The following ARHGEF2 variants were observed in gnomAD, a reference collection of about 807,000 sequenced individuals.
ARHGEF2 encodes the protein rho guanine nucleotide exchange factor 2.
Under a neutral mutation model 121.0 loss-of-function variants are expected in ARHGEF2, and 22 were observed. The observed-to-expected ratio is 0.18, with a 90% CI of 0.13 to 0.26. The LOEUF (loss-of-function observed/expected upper bound fraction) is 0.26. ARHGEF2 is among the 10% of genes least tolerant of loss of function. ARHGEF2 has a pLI of 1.00. For synonymous variants in ARHGEF2, 487 were observed against 530.0 expected (o/e 0.92, Z 1.11); for missense variants, 907 against 1,336.0 (o/e 0.68, Z 5.01).
intron 1 of ARHGEF2, chr1:155,971,104 C>A: frequency 7.1e-6 from 7 of 985,950 alleles, no homozygotes; most frequent in Non-Finnish European, 8.4e-6. Context: ...CTCACGCAGG[C>A]CAACTGCTCC....
At chr1:155,955,864 C>T (rs1191597631) in intron 13 of ARHGEF2, among the ~76,000 whole-genome samples, 3 of 151,916 alleles carry the variant, frequency 2.0e-5, no homozygotes, top group South Asian at 4.1e-4. Context: ...TACAGGCACG[C>T]ACCACCATGC....
Position 155,961,810 on chromosome 1 carries a change from G to A in ARHGEF2, c.1319C>T (p.Ala440Val). The A allele has an allele frequency of 6.2e-7, 1 of 1,614,168 alleles. No homozygotes were observed. Among genetic ancestry groups the A allele is most frequent in the South Asian group, 1.1e-5 (1 of 91,090 alleles). Residue 440 changes from alanine (A) to valine (V), a missense_variant, in exon 11 of 22, where the codon GCC becomes GTC. This residue lies in a region of ARHGEF2 where 475 missense variants were observed against 776.5 expected (regional missense o/e 0.61). Transcript: ENST00000361247. The surrounding 1 kb of genome is among the most constrained non-coding windows in gnomAD (Gnocchi z 4.7). ...GCGGTTGTAGATCTCCTGCAGACGG[G>A]CCCCTTTCTCCAGCTGATAAATACC... ...DEGIYQLEKG[A>V]RLQEIYNRMD...
chr1:155,967,207 A>T (rs900505848), intron 2 of ARHGEF2, among the ~76,000 whole-genome samples: 2 of 152,200 alleles, frequency 1.3e-5, no homozygotes, highest in Non-Finnish European at 2.9e-5. Flanking sequence ...GAGCTCAAGA[A>T]GCACGAAGGT....
Position 155,952,161 on chromosome 1 carries a change from A to C in ARHGEF2, c.2059T>G (p.Leu687Val), listed in dbSNP as rs903562789. 5.6e-6 allele frequency: 9 copies of C among 1,614,084 alleles called. No homozygotes were observed. Among genetic ancestry groups the C allele is most frequent in the Non-Finnish European group, 7.6e-6 (9 of 1,179,996 alleles). ...GTGTTACCACCGCTGTCTGGTTCCA[A>C]GGGCAGGGCTGGCTCTCGGGGTGTC... Reference protein sequence around the residue: ...LLTPREPALPLEPDSGGNTSP... With the variant: ...LLTPREPALPVEPDSGGNTSP... The change falls in exon 16 of 22, where the codon TTG becomes GTG. Residue 687 changes from leucine to valine, a missense_variant. This residue lies in a region of ARHGEF2 where 432 missense variants were observed against 559.5 expected (regional missense o/e 0.77). Coordinates refer to ENST00000361247, the MANE Select transcript of ARHGEF2 (RefSeq NM_001162383.2).
rs1048278120 is a variant in ARHGEF2, at chr1:155,961,972, C to T, written c.1220-63G>A. 4 of 1,606,440 alleles carry T rather than the reference C, an allele frequency of 2.5e-6. No individual in the cohort carries two copies. The highest frequency in any genetic ancestry group is 2.7e-5 in the African/African-American group (2 of 74,918). ...GTTTCACTCACACCCCAGTTCCCAT[C>T]GTGTCTTGATTCCACCTTTAGAGGC... On this transcript the variant is annotated intron_variant, in intron 10 of 21. Coordinates refer to ENST00000361247, the MANE Select transcript of ARHGEF2 (RefSeq NM_001162383.2). The surrounding 1 kb of genome is among the most constrained non-coding windows in gnomAD (Gnocchi z 4.7).
intron 2 of ARHGEF2, 59 bp from the exon 3 acceptor site, chr1:155,966,946 C>A: frequency 2.0e-6 from 3 of 1,507,868 alleles, no homozygotes; most frequent in Non-Finnish European, 1.8e-6. Context: ...AGGGGACACA[C>A]CCACATGCAG....
chr1:155,960,303 T>C (rs1016255874), intron 11 of ARHGEF2, among the ~76,000 whole-genome samples: 2 of 152,012 alleles, frequency 1.3e-5, no homozygotes, highest in African/African-American at 4.8e-5. Context: ...ATCTTATCTC[T>C]ACAAAAAATT....
chr1:155,950,642 C>T lies in ARHGEF2; in HGVS notation c.2704-160G>A, dbSNP rs1299049825. On this transcript the variant is annotated intron_variant, in intron 20 of 21. Coordinates refer to ENST00000361247, the MANE Select transcript of ARHGEF2 (RefSeq NM_001162383.2). This position sits in a 1 kb window ranked among gnomAD's most constrained non-coding sequence, Gnocchi z 5.2. ...ACTGGCCTCTTTCAGCACCACGACC[C>T]GAGTTAATTTCCTCCACCCCTGCAC... 6.6e-6 allele frequency among the ~76,000 whole-genome samples: 1 copy of T among 152,158 alleles called. No homozygotes were observed. Among genetic ancestry groups the T allele is most frequent in the African/African-American group, 2.4e-5 (1 of 41,434 alleles).
Position 155,965,201 on chromosome 1 carries a change from G to C in ARHGEF2, c.581-70C>G. ...TCCCTGGGTCCCTGGCCCTTCTCTAGATCCCTTCCCTCCTTGTCCTTCCAG... is the reference window on the plus strand; with the variant it reads ...TCCCTGGGTCCCTGGCCCTTCTCTACATCCCTTCCCTCCTTGTCCTTCCAG... On this transcript the variant is annotated intron_variant, in intron 6 of 21. Transcript: ENST00000361247. This position sits in a 1 kb window ranked among gnomAD's most constrained non-coding sequence, Gnocchi z 6.0. The C allele has an allele frequency of 6.2e-7, 1 of 1,608,558 alleles. No individual in the cohort carries two copies. Among genetic ancestry groups the C allele is most frequent in the Non-Finnish European group, 8.5e-7 (1 of 1,176,004 alleles).
Position 155,951,042 on chromosome 1 carries a change from G to A in ARHGEF2, c.2490C>T (p.Thr830=), listed in dbSNP as rs375794794. The A allele has an allele frequency of 3.5e-5, 56 of 1,601,984 alleles. No homozygotes were observed. In the African/African-American group the frequency reaches 4.8e-4, roughly 14 times the overall value. The part of the protein sequence containing the change: ...RCRRLGEERA[T]EAGSLEARLR... ...GCCGGGCCTCCAGGCTGCCAGCTTCGGTTGCCCGTTCTTCACCTAGCCGCC... is the reference window on the plus strand; with the variant it reads ...GCCGGGCCTCCAGGCTGCCAGCTTCAGTTGCCCGTTCTTCACCTAGCCGCC... The change falls in exon 20 of 22, where the codon ACC becomes ACT. Residue 830 remains threonine (T), a synonymous_variant. Coordinates refer to ENST00000361247, the MANE Select transcript of ARHGEF2 (RefSeq NM_001162383.2). The surrounding 1 kb of genome is among the most constrained non-coding windows in gnomAD (Gnocchi z 5.1).
In ARHGEF2 at chr1:155,965,341, C is replaced by T. The variant is rs1370122907; in HGVS notation, c.542G>A (p.Arg181Gln). The T allele has an allele frequency of 1.2e-6, 2 of 1,614,146 alleles. No individual in the cohort carries two copies. Among genetic ancestry groups the T allele is most frequent in the South Asian group, 1.1e-5 (1 of 91,082 alleles). The change falls in exon 6 of 22, where the codon CGG becomes CAG. Residue 181 changes from arginine (R) to glutamine (Q), a missense_variant. By Grantham distance (43) the Arg-to-Gln change is conservative. Transcript: ENST00000361247. This position sits in a 1 kb window ranked among gnomAD's most constrained non-coding sequence, Gnocchi z 6.0. ...GGATTCCACGGATAGGGTTCGGTTCCGCATGTTGAGGGAGTCTGTGGACTG... is the reference window on the plus strand; with the variant it reads ...GGATTCCACGGATAGGGTTCGGTTCTGCATGTTGAGGGAGTCTGTGGACTG... ...LSQSTDSLNM[R>Q]NRTLSVESLI...
At chr1:155,976,860 C>T (rs906277690) in intron 1 of ARHGEF2, among the ~76,000 whole-genome samples, 11 of 152,046 alleles carry the variant, frequency 7.2e-5, no homozygotes, top group Non-Finnish European at 1.5e-4. Context: ...CACCTCACCC[C>T]GGCCCTCTGT....
rs1291429251 is a variant in ARHGEF2, at chr1:155,965,932, G to A, written c.341-172C>T. Reference sequence around the variant, plus strand: ...CCTTACATTTGTGCCATACTCTAATGTTCACAAAGAGCTTTTTCTTACTTA... The same window carrying A: ...CCTTACATTTGTGCCATACTCTAATATTCACAAAGAGCTTTTTCTTACTTA... On this transcript the variant is annotated intron_variant, in intron 4 of 21. Transcript: ENST00000361247. This position sits in a 1 kb window ranked among gnomAD's most constrained non-coding sequence, Gnocchi z 6.0. 6.6e-6 allele frequency among the ~76,000 whole-genome samples: 1 copy of A among 152,172 alleles called. No individual in the cohort carries two copies. The highest frequency in any genetic ancestry group is 1.9e-4 in the East Asian group (1 of 5,202).
At chr1:155,976,114 G>A (rs1054879928) in intron 1 of ARHGEF2, among the ~76,000 whole-genome samples, 6 of 151,954 alleles carry the variant, frequency 3.9e-5, no homozygotes, top group Admixed American at 2.0e-4. Flanking sequence ...GGAATGGGGA[G>A]GGGCTGAGGT....
intron 21 of ARHGEF2, among the ~76,000 whole-genome samples, chr1:155,949,823 G>A (rs548636275): frequency 6.6e-6 from 1 of 152,102 alleles, no homozygotes; most frequent in South Asian, 2.1e-4. Flanking sequence ...GTTGCAGTGA[G>A]CCAAGATCAC....
intron 1 of ARHGEF2, among the ~76,000 whole-genome samples, chr1:155,976,671 T>C (rs1681350601): frequency 1.7e-5 from 2 of 117,784 alleles, no homozygotes. Context: ...ATGGCTTTCC[T>C]TTTTAGGGTG....
chr1:155,965,199 T>C lies in ARHGEF2; in HGVS notation c.581-68A>G, dbSNP rs1679119862. 6.2e-7 allele frequency: 1 copy of C among 1,608,832 alleles called. No homozygotes were observed. Among genetic ancestry groups the C allele is most frequent in the Non-Finnish European group, 8.5e-7 (1 of 1,176,150 alleles). ...CTTCCCTGGGTCCCTGGCCCTTCTC[T>C]AGATCCCTTCCCTCCTTGTCCTTCC... On this transcript the variant is annotated intron_variant, in intron 6 of 21. Transcript: ENST00000361247. The surrounding 1 kb of genome is among the most constrained non-coding windows in gnomAD (Gnocchi z 6.0).
chr1:155,957,614 G>T, intron 13 of ARHGEF2, 99 bp downstream of exon 13: 1 of 1,381,098 alleles, frequency 7.2e-7, no homozygotes, highest in Non-Finnish European at 9.7e-7. Flanking sequence ...CCCCACCTCT[G>T]AATGCTGGAT....
In ARHGEF2 at chr1:155,962,540, T is replaced by G. The variant is rs557969623; in HGVS notation, c.1101+53A>C. Reference sequence around the variant, plus strand: ...AGCTCACAGGCACTACCCCCATGAGTTGGGGAGGGTGGGTTTGGGCCATGA... The same window carrying G: ...AGCTCACAGGCACTACCCCCATGAGGTGGGGAGGGTGGGTTTGGGCCATGA... On this transcript the variant is annotated intron_variant, in intron 9 of 21. Coordinates refer to ENST00000361247, the MANE Select transcript of ARHGEF2 (RefSeq NM_001162383.2). This position sits in a 1 kb window ranked among gnomAD's most constrained non-coding sequence, Gnocchi z 5.8. 2 of 1,602,058 alleles carry G rather than the reference T, an allele frequency of 1.2e-6. No individual in the cohort carries two copies. The highest frequency in any genetic ancestry group is 2.7e-5 in the African/African-American group (2 of 74,630).
Sources: allele counts gnomAD v4.1 joint callset (sites outside exome capture counted in the v4.1 genomes callset), GRCh38; gene constraint gnomAD v4.1.1; regional missense constraint gnomAD v4.1.1; non-coding constraint Gnocchi (gnomAD v3.1); transcripts MANE v1.5; gene names NCBI Gene and HGNC (gene_info 2026-07-23, HGNC 2026-07-21).